Variants in DOCK1 observed in about 807,000 individuals in gnomAD.
DOCK1 encodes dedicator of cytokinesis 1, also known as dedicator of cytokinesis protein 1.
In DOCK1, 138 loss-of-function variants were observed where a neutral mutation model predicts 262.7. That is an observed-to-expected ratio of 0.53 (90% CI 0.46 to 0.61). DOCK1 has a LOEUF of 0.61. Ranked by LOEUF, DOCK1 falls within the 20% of genes least tolerant of loss-of-function variation. DOCK1 has a pLI of 0.00. For synonymous variants in DOCK1, 866 were observed against 867.4 expected, an observed-to-expected ratio of 1.00 and a Z score of 0.03; for missense variants, 1,908 against 2,370.7, an observed-to-expected ratio of 0.80 and a Z score of 4.05.
intron 51 of DOCK1, 45 bp from the exon 52 acceptor site, chr10:127,451,287 A>G (rs1205325513): frequency 5.8e-6 from 9 of 1,553,306 alleles, no homozygotes; most frequent in Non-Finnish European, 7.8e-6. Flanking sequence ...CTTTTCTGTC[A>G]GGACATCAGT....
intron 21 of DOCK1, among the ~76,000 whole-genome samples, chr10:127,051,363 C>T (rs1316477905): frequency 6.6e-6 from 1 of 151,984 alleles, no homozygotes; most frequent in Non-Finnish European, 1.5e-5. Context: ...ATAGTCTTCT[C>T]TATAAGGATT....
chr10:127,233,188 A>G (rs1426547768), intron 27 of DOCK1, among the ~76,000 whole-genome samples: 1 of 152,206 alleles, frequency 6.6e-6, no homozygotes, highest in Non-Finnish European at 1.5e-5. Flanking sequence ...GTATTCCCTA[A>G]TTAGAATTAT....
intron 46 of DOCK1, among the ~76,000 whole-genome samples, chr10:127,423,873 T>C (rs1000967149): frequency 3.9e-5 from 6 of 152,110 alleles, no homozygotes; most frequent in Non-Finnish European, 8.8e-5. Flanking sequence ...TCGCTTTGAT[T>C]AATTAGAGGT....
At chr10:126,952,507 TTGG>T (rs1356904517) in intron 1 of DOCK1, among the ~76,000 whole-genome samples, 2 of 148,372 alleles carry the variant, frequency 1.3e-5, no homozygotes, top group African/African-American at 2.5e-5. Context: ...ATTGGTAGTG[TTGG>T]TGTTGTTATT....
chr10:127,045,085 C>T (rs979663965), intron 21 of DOCK1, among the ~76,000 whole-genome samples: 1 of 151,142 alleles, frequency 6.6e-6, no homozygotes, highest in Non-Finnish European at 1.5e-5. Context: ...GTAGTCCCAG[C>T]TACTTGGGAG....
intron 27 of DOCK1, among the ~76,000 whole-genome samples, chr10:127,146,312 C>T (rs775826793): frequency 1.3e-5 from 2 of 152,130 alleles, no homozygotes; most frequent in Non-Finnish European, 2.9e-5. Flanking sequence ...GTTTTAGTTA[C>T]AGTTAATGGC....
chr10:127,332,973 C>G (rs1008878494), intron 29 of DOCK1, among the ~76,000 whole-genome samples: 1 of 152,178 alleles, frequency 6.6e-6, no homozygotes, highest in Non-Finnish European at 1.5e-5. Flanking sequence ...ATGCAGAAAT[C>G]ATTTGAAGGC....
intron 27 of DOCK1, among the ~76,000 whole-genome samples, chr10:127,228,280 T>G: frequency 6.6e-6 from 1 of 152,210 alleles, no homozygotes; most frequent in East Asian, 1.9e-4. Context: ...TCGTTCCTCA[T>G]GGAATTTAGA....
intron 26 of DOCK1, 29 bp from the exon 27 acceptor site, chr10:127,127,640 T>A (rs1235731860): frequency 6.4e-7 from 1 of 1,559,286 alleles, no homozygotes; most frequent in Non-Finnish European, 8.8e-7. Context: ...TTCTCTGGTG[T>A]TGGTGTTCAT....
intron 23 of DOCK1, among the ~76,000 whole-genome samples, chr10:127,067,480 T>TG (rs2045946660): frequency 6.6e-6 from 1 of 152,090 alleles, no homozygotes; most frequent in Admixed American, 6.5e-5. Flanking sequence ...AATTGATGCT[T>TG]ACTTGGTATA....
chr10:127,067,427 A>G (rs745656814), intron 23 of DOCK1, among the ~76,000 whole-genome samples: 3 of 152,190 alleles, frequency 2.0e-5, no homozygotes, highest in Non-Finnish European at 4.4e-5. Flanking sequence ...AGAATGCCAG[A>G]ATTTTCTATA....
chr10:127,040,327 T>C (rs1381323164), intron 19 of DOCK1, among the ~76,000 whole-genome samples: 1 of 152,260 alleles, frequency 6.6e-6, no homozygotes, highest in East Asian at 1.9e-4. Flanking sequence ...AGGTTGGTTT[T>C]GTTTCCCACT....
At chr10:127,380,329 A>C (rs78769074) in intron 36 of DOCK1, among the ~76,000 whole-genome samples, 8,208 of 152,130 alleles carry the variant, frequency 0.054, 241 homozygotes, top group Middle Eastern at 0.082. Flanking sequence ...CTTGGTGGTC[A>C]CCATTAGCCA....
chr10:127,234,026 T>G (rs1286398022), intron 27 of DOCK1, among the ~76,000 whole-genome samples: 2 of 152,238 alleles, frequency 1.3e-5, no homozygotes, highest in Non-Finnish European at 2.9e-5. Flanking sequence ...ATCCTGAGGT[T>G]AGGAATACTT....
intron 22 of DOCK1, among the ~76,000 whole-genome samples, chr10:127,053,713 C>A (rs748356936): frequency 3.3e-4 from 50 of 152,292 alleles, no homozygotes; most frequent in Middle Eastern, 3.4e-3. Context: ...ATATTTATGG[C>A]TTATTTTATA....
At chr10:127,356,743 C>T (rs567047630) in intron 32 of DOCK1, among the ~76,000 whole-genome samples, 62 of 152,134 alleles carry the variant, frequency 4.1e-4, no homozygotes, top group Non-Finnish European at 8.2e-4. Context: ...ATATGAGCTC[C>T]ACCTGCCACA....
chr10:126,905,515 G>T lies in DOCK1; in HGVS notation c.-3G>T. ...CCCGACCCGCGGCGGCTCCGGCGGC[G>T]CCATGACGCGCTGGGTGCCCACCAA... On this transcript the variant is annotated 5_prime_UTR_variant, in exon 1 of 52. Coordinates refer to ENST00000623213, the MANE Select transcript of DOCK1 (RefSeq NM_001290223.2). 3 of 533,492 alleles carry T rather than the reference G, an allele frequency of 5.6e-6. No individual in the cohort carries two copies. The highest frequency in any genetic ancestry group is 4.6e-5 in the South Asian group (2 of 43,592). 33.0% of individuals were successfully genotyped at this position (533,492 alleles called of 1,614,324 possible).
At chr10:126,923,325 G>A (rs1177504160) in intron 1 of DOCK1, among the ~76,000 whole-genome samples, 10 of 152,060 alleles carry the variant, frequency 6.6e-5, no homozygotes, top group Admixed American at 6.5e-4. Flanking sequence ...TTAAAAGGAT[G>A]TAAAAAACTT....
intron 26 of DOCK1, 81 bp from the exon 27 acceptor site, chr10:127,127,588 A>G: frequency 8.8e-7 from 1 of 1,140,424 alleles, no homozygotes; most frequent in Non-Finnish European, 1.3e-6. Context: ...TTTACAGGGT[A>G]AATGGATTCA....
Sources: gnomAD v4.1 joint callset for allele counts (sites outside exome capture counted in the v4.1 genomes callset) on GRCh38, gnomAD v4.1.1 for gene constraint, MANE v1.5 for transcripts, NCBI Gene and HGNC (gene_info 2026-07-23, HGNC 2026-07-21) for gene names.